The following PBLD variants were observed in gnomAD, a reference collection of about 807,000 sequenced individuals.
PBLD encodes the protein phenazine biosynthesis-like domain-containing protein.
In PBLD, 26 loss-of-function variants were observed where a neutral mutation model predicts 31.3. The ratio of observed to expected loss-of-function variants is 0.83; its 90% CI spans 0.61 to 1.15. The LOEUF is 1.15. PBLD is among the 50% of genes most tolerant of loss of function. The pLI is 0.00. For synonymous variants in PBLD, 114 were observed against 129.0 expected (o/e 0.88, Z 0.79); for missense variants, 307 against 351.7 (o/e 0.87, Z 1.02).
At chr10:68,328,581 A>G (rs981841449) in intron 1 of PBLD, among the ~76,000 whole-genome samples, 16 of 152,098 alleles carry the variant, frequency 1.1e-4, no homozygotes, top group Non-Finnish European at 2.1e-4. Flanking sequence ...TCTGATCTCT[A>G]TGCTAATAGG....
At chr10:68,296,240 A>G (rs765727238) in intron 4 of PBLD, 26 bp downstream of exon 4, 2 of 1,548,846 alleles carry the variant, frequency 1.3e-6, no homozygotes, top group South Asian at 1.2e-5. Context: ...GCTAAGTGTT[A>G]GATTCATTAA....
At chr10:68,318,817 G>T (rs560803470) in intron 1 of PBLD, among the ~76,000 whole-genome samples, 1 of 151,940 alleles carries the variant, frequency 6.6e-6, no homozygotes, top group South Asian at 2.1e-4. Flanking sequence ...TATAATCCCA[G>T]CACTTTGGGA....
chr10:68,293,939 C>T (rs1295781906), intron 4 of PBLD, among the ~76,000 whole-genome samples: 1 of 152,052 alleles, frequency 6.6e-6, no homozygotes, highest in Admixed American at 6.6e-5. Context: ...CTTGCCATTG[C>T]ACTCCAGCCT....
In PBLD at chr10:68,288,952, C is replaced by T. The variant is rs753497852; in HGVS notation, c.491G>A (p.Arg164His). ...TTACCTGTTGTAAACGTCACTGAGG[C>T]GGACGAGGAGCTTTTGGGTATCTGG... ...YSPDTQKLLV[R>H]LSDVYNRSFL... Residue 164 changes from arginine to histidine, a missense_variant, in exon 7 of 10, where the codon CGC (arginine) becomes CAC (histidine). Coordinates refer to ENST00000358769, the MANE Select transcript of PBLD (RefSeq NM_022129.4). 17 of 1,614,016 alleles carry T rather than the reference C, an allele frequency of 1.1e-5. No homozygotes were observed. The Admixed American group carries it at 1.2e-4, about 11-fold the overall frequency.
chr10:68,306,706 T>C, intron 2 of PBLD, 55 bp downstream of exon 2: 1 of 1,485,476 alleles, frequency 6.7e-7, no homozygotes, highest in Non-Finnish European at 9.3e-7. Context: ...AATAAGTAAT[T>C]GTTTCTACAG....
chr10:68,288,707 C>A (rs527574260), intron 7 of PBLD, 46 bp from the exon 8 acceptor site: 2 of 1,580,816 alleles, frequency 1.3e-6, no homozygotes, highest in African/African-American at 2.7e-5. Flanking sequence ...TTTCACAGCC[C>A]ACTCACCACA....
In PBLD at chr10:68,288,515, G is replaced by A. The variant is rs754749930; in HGVS notation, c.659C>T (p.Pro220Leu). The change falls in exon 8 of 10, where the codon CCG becomes CTG. Residue 220 changes from proline to leucine, a missense_variant. Transcript: ENST00000358769. ...TGGGTCTTCAGCCACACCAACCCAC[G>A]GTGCAAAATATCTTGAGTAAAAGTC... ...AFDFYSRYFA[P>L]WVGVAEDPVT... is the part of the protein sequence containing the mutation. The A allele has an allele frequency of 1.9e-5, 30 of 1,614,028 alleles. No individual in the cohort carries two copies. The highest frequency in any genetic ancestry group is 1.8e-4 in the East Asian group (8 of 44,902).
At chr10:68,307,322 G>A (rs1316756105) in intron 1 of PBLD, among the ~76,000 whole-genome samples, 2 of 151,972 alleles carry the variant, frequency 1.3e-5, no homozygotes, top group African/African-American at 4.8e-5. Flanking sequence ...GAGCCACTGT[G>A]CCTGGCCAAT....
chr10:68,288,351 G>T, intron 8 of PBLD, 132 bp downstream of exon 8: 1 of 937,904 alleles, frequency 1.1e-6, no homozygotes, highest in Non-Finnish European at 1.6e-6. Flanking sequence ...TGGCAGGGAT[G>T]GGGAAAGATA....
At chr10:68,309,736 G>A (rs1364709015) in intron 1 of PBLD, among the ~76,000 whole-genome samples, 2 of 145,966 alleles carry the variant, frequency 1.4e-5, no homozygotes, top group African/African-American at 5.1e-5. Flanking sequence ...TGAACACAGA[G>A]TCAGAGGTTG....
At chr10:68,309,737 T>C (rs1205728917) in intron 1 of PBLD, among the ~76,000 whole-genome samples, 1 of 136,866 alleles carries the variant, frequency 7.3e-6, no homozygotes, top group African/African-American at 2.8e-5. Context: ...GAACACAGAG[T>C]CAGAGGTTGT....
At chr10:68,296,210 T>TAA in intron 4 of PBLD, 56 bp downstream of exon 4, 68 of 1,112,598 alleles carry the variant, frequency 6.1e-5, no homozygotes, top group Non-Finnish European at 7.3e-5. Flanking sequence ...TGTGAGAACT[T>TAA]AAAAAAAAAA....
At position 68,290,934 on chromosome 10, in the gene PBLD, C is replaced by T. The variant is rs568153242; in HGVS notation, c.423+1076G>A. Among the ~76,000 whole-genome samples, 9 of 152,296 alleles carry T rather than the reference C, an allele frequency of 5.9e-5. No individual in the cohort carries two copies. In the East Asian group the frequency reaches 1.7e-3, roughly 29 times the overall value. ...TAAAGCAGTTTGTTTTTAAATTTGG[C>T]TTGTCTCCAAAACCCAAGCCATGGA... On this transcript the variant is annotated intron_variant, in intron 6 of 9. Coordinates refer to ENST00000358769, the MANE Select transcript of PBLD (RefSeq NM_022129.4).
chr10:68,288,332 G>T, intron 8 of PBLD, 151 bp downstream of exon 8: 1 of 805,596 alleles, frequency 1.2e-6, no homozygotes, highest in Non-Finnish European at 1.9e-6. Context: ...GAAGACTTCA[G>T]TGAAGGGATG....
intron 1 of PBLD, among the ~76,000 whole-genome samples, chr10:68,321,983 C>T (rs975439516): frequency 6.6e-6 from 1 of 152,150 alleles, no homozygotes; most frequent in African/African-American, 2.4e-5. Context: ...TCCCCAGGAC[C>T]CTGAGTATGG....
chr10:68,299,628 G>C (rs761649431), intron 2 of PBLD, among the ~76,000 whole-genome samples: 1 of 152,000 alleles, frequency 6.6e-6, no homozygotes, highest in Admixed American at 6.6e-5. Context: ...GGGCGAGGCG[G>C]GTAGATCACC....
chr10:68,303,388 T>C (rs1369724157), intron 2 of PBLD, among the ~76,000 whole-genome samples: 1 of 138,324 alleles, frequency 7.2e-6, no homozygotes, highest in Non-Finnish European at 1.5e-5. Context: ...ACCCAGACAA[T>C]TTTTATTACA....
chr10:68,305,051 G>T (rs188508959), intron 2 of PBLD, among the ~76,000 whole-genome samples: 1 of 152,290 alleles, frequency 6.6e-6, no homozygotes, highest in Admixed American at 6.5e-5. Context: ...GAAAATAAGT[G>T]TGAAAAGGAC....
At chr10:68,289,260 G>C (rs1230246991) in intron 6 of PBLD, among the ~76,000 whole-genome samples, 1 of 152,168 alleles carries the variant, frequency 6.6e-6, no homozygotes, top group African/African-American at 2.4e-5. Flanking sequence ...AGGTGCAGTG[G>C]CTCACACCTG....
Sources: gnomAD v4.1 joint callset for allele counts (sites outside exome capture counted in the v4.1 genomes callset) on GRCh38, gnomAD v4.1.1 for gene constraint, MANE v1.5 for transcripts, NCBI Gene and HGNC (gene_info 2026-07-23, HGNC 2026-07-21) for gene names.